Variants in ANKRD62 observed in about 807,000 individuals in gnomAD.
ANKRD62 encodes ankyrin repeat domain-containing protein 62.
In ANKRD62, 61 loss-of-function variants were observed where a neutral mutation model predicts 98.8. The ratio of observed to expected loss-of-function variants is 0.62; its 90% confidence interval spans 0.50 to 0.76. ANKRD62 has a LOEUF of 0.76. Ranked by LOEUF, ANKRD62 falls within the 30% of genes least tolerant of loss-of-function variation. ANKRD62 has a pLI of 0.00. For synonymous variants in ANKRD62, 341 were observed against 367.9 expected (o/e 0.93, Z 0.84); for missense variants, 933 against 1,082.9 (o/e 0.86, Z 1.94).
chr18:12,165,438 T>C, the ANKRD62 span, among the ~76,000 whole-genome samples: 4 of 151,670 alleles, frequency 2.6e-5, no homozygotes, highest in Non-Finnish European at 4.4e-5. Context: ...TGTTTTTCAA[T>C]ATGAGGTTAT....
At position 12,099,688 on chromosome 18, in the gene ANKRD62, A is replaced by G; in HGVS notation, c.820+6A>G. On this transcript the variant is annotated splice_donor_region_variant and intron_variant, in intron 6 of 13. Transcript: ENST00000587848. ...TCTTCAAAATAGCAATTCAGGTATG[A>G]CTTCTGATAGTGAATTCCTCTCGAT... 6.9e-7 allele frequency: 1 copy of G among 1,448,274 alleles called. No individual in the cohort carries two copies. The highest frequency in any genetic ancestry group is 9.2e-7 in the Non-Finnish European group (1 of 1,092,574). The allele number at this position is 1,448,274 out of a possible 1,614,324, so 89.7% of individuals were successfully genotyped here.
the ANKRD62 span, among the ~76,000 whole-genome samples, chr18:12,150,981 G>A: frequency 6.6e-6 from 1 of 152,126 alleles, no homozygotes. Context: ...TCACTAAAAA[G>A]GCACCGTGTG....
chr18:12,135,675 C>G, the ANKRD62 span, among the ~76,000 whole-genome samples: 1 of 151,160 alleles, frequency 6.6e-6, no homozygotes, highest in East Asian at 2.0e-4. Context: ...TAAAAGTGTT[C>G]CTATTTCTCC....
At chr18:12,167,173 A>G in the ANKRD62 span, among the ~76,000 whole-genome samples, 5 of 152,008 alleles carry the variant, frequency 3.3e-5, no homozygotes, top group African/African-American at 1.2e-4. Context: ...TCTAGGGTAC[A>G]TGTGCACAAT....
chr18:12,154,717 C>T, the ANKRD62 span, among the ~76,000 whole-genome samples: 775 of 152,292 alleles, frequency 5.1e-3, 4 homozygotes, highest in African/African-American at 0.017. Flanking sequence ...TGGAATCAAC[C>T]TAAATGCCCA....
At chr18:12,164,769 A>G in the ANKRD62 span, among the ~76,000 whole-genome samples, 1 of 151,756 alleles carries the variant, frequency 6.6e-6, no homozygotes, top group Non-Finnish European at 1.5e-5. Flanking sequence ...ATATTGTTTA[A>G]TTTCCATTTG....
the ANKRD62 span, among the ~76,000 whole-genome samples, chr18:12,159,434 C>A: frequency 6.6e-6 from 1 of 152,180 alleles, no homozygotes; most frequent in African/African-American, 2.4e-5. Flanking sequence ...TTCTCCCTCT[C>A]CCCAAGGCTA....
the ANKRD62 span, among the ~76,000 whole-genome samples, chr18:12,174,178 T>G: frequency 0.011 from 1,734 of 152,248 alleles, 27 homozygotes; most frequent in South Asian, 0.041. Flanking sequence ...TTCTCAGAGG[T>G]TTTGTTCATT....
At chr18:12,113,724 A>T (rs1485739162) in intron 8 of ANKRD62, among the ~76,000 whole-genome samples, 1 of 152,238 alleles carries the variant, frequency 6.6e-6, no homozygotes, top group Non-Finnish European at 1.5e-5. Context: ...TAGTTCAGCC[A>T]TTGTGGAAAA....
At chr18:12,107,631 G>A (rs769265624) in intron 8 of ANKRD62, among the ~76,000 whole-genome samples, 164 bp downstream of exon 8, 2 of 152,108 alleles carry the variant, frequency 1.3e-5, no homozygotes, top group Non-Finnish European at 2.9e-5. Context: ...ATGAGATATG[G>A]TCTTTCCAAT....
intron 6 of ANKRD62, chr18:12,102,671 G>A: frequency 2.0e-6 from 2 of 997,924 alleles, no homozygotes; most frequent in Non-Finnish European, 2.4e-6. Context: ...TGTCAGAATA[G>A]TAGAGGAAGA....
chr18:12,115,063 T>A, intron 8 of ANKRD62, 25 bp from the exon 9 acceptor site: 1 of 1,388,210 alleles, frequency 7.2e-7, no homozygotes, highest in Non-Finnish European at 9.3e-7. Flanking sequence ...TTTGCCTGAT[T>A]GGAATTTTTT....
At chr18:12,141,350 C>T in the ANKRD62 span, among the ~76,000 whole-genome samples, 2 of 152,230 alleles carry the variant, frequency 1.3e-5, no homozygotes, top group African/African-American at 4.8e-5. Context: ...CGGTGCACTG[C>T]ACCCACTGTC....
the ANKRD62 span, among the ~76,000 whole-genome samples, chr18:12,138,978 G>T: frequency 1.3e-5 from 2 of 152,148 alleles, no homozygotes; most frequent in East Asian, 3.8e-4. Flanking sequence ...GCACACTGAT[G>T]GTTCTTGACT....
the ANKRD62 span, among the ~76,000 whole-genome samples, chr18:12,172,565 C>T: frequency 2.0e-5 from 3 of 152,148 alleles, no homozygotes; most frequent in East Asian, 1.9e-4. Context: ...TTAGGCTACT[C>T]GGGGGTCAGG....
the ANKRD62 span, among the ~76,000 whole-genome samples, chr18:12,171,717 A>C: frequency 6.6e-6 from 1 of 152,168 alleles, no homozygotes; most frequent in East Asian, 1.9e-4. Context: ...TCTCCTGGGT[A>C]ATATCCTGCA....
the ANKRD62 span, among the ~76,000 whole-genome samples, chr18:12,146,208 T>C: frequency 6.6e-6 from 1 of 152,118 alleles, no homozygotes; most frequent in Non-Finnish European, 1.5e-5. Flanking sequence ...CTCCTGACTT[T>C]GTGGGACCTC....
the ANKRD62 span, among the ~76,000 whole-genome samples, chr18:12,153,607 A>AAG: frequency 2.8e-5 from 4 of 141,058 alleles, no homozygotes; most frequent in African/African-American, 5.3e-5. Context: ...AAAAAAAAAA[A>AAG]AAAGAAAGAA....
At chr18:12,153,343 C>G in the ANKRD62 span, among the ~76,000 whole-genome samples, 1 of 152,180 alleles carries the variant, frequency 6.6e-6, no homozygotes, top group African/African-American at 2.4e-5. Context: ...GTAATCCCAG[C>G]ACTTTGGGAG....
Sources: gnomAD v4.1 joint callset for allele counts (sites outside exome capture counted in the v4.1 genomes callset) on GRCh38, gnomAD v4.1.1 for gene constraint, MANE v1.5 for transcripts, NCBI Gene and HGNC (gene_info 2026-07-23, HGNC 2026-07-21) for gene names.